Variants in HHAT observed in about 807,000 individuals in gnomAD.
HHAT encodes the protein hedgehog acyltransferase.
A neutral mutation model predicts 70.8 loss-of-function variants in HHAT; 47 were observed. The ratio of observed to expected loss-of-function variants is 0.66; its 90% CI spans 0.53 to 0.85. HHAT has a LOEUF of 0.85. Ranked by LOEUF, HHAT falls within the 40% of genes least tolerant of loss-of-function variation. The pLI, the probability that HHAT is intolerant of heterozygous loss-of-function variation, is 0.00. For missense variants in HHAT, 609 were observed against 604.8 expected (o/e 1.01, Z -0.07); for synonymous variants, 228 against 247.6 (o/e 0.92, Z 0.74).
At chr1:210,614,447 A>G (rs1477670871) in intron 10 of HHAT, among the ~76,000 whole-genome samples, 2 of 152,144 alleles carry the variant, frequency 1.3e-5, no homozygotes, top group African/African-American at 2.4e-5. Flanking sequence ...ATTCTAGGAT[A>G]CATGTGCACA....
intron 7 of HHAT, among the ~76,000 whole-genome samples, chr1:210,439,201 CT>C (rs1348961225): frequency 6.6e-6 from 1 of 151,842 alleles, no homozygotes; most frequent in Admixed American, 6.6e-5. Flanking sequence ...GCTCCCCTCA[CT>C]AATGTATTTA....
At chr1:210,483,597 T>C (rs762364225) in intron 8 of HHAT, among the ~76,000 whole-genome samples, 22 of 112,880 alleles carry the variant, frequency 1.9e-4, no homozygotes, top group Admixed American at 6.3e-4. Flanking sequence ...TTTCCATTTA[T>C]GTCTAATAGC....
intron 8 of HHAT, among the ~76,000 whole-genome samples, chr1:210,505,099 A>G (rs975760307): frequency 6.6e-6 from 1 of 152,012 alleles, no homozygotes; most frequent in African/African-American, 2.4e-5. Context: ...GGGTTTCACC[A>G]TGTTGGCCAG....
At chr1:210,673,685 G>A (rs565125877) in intron 11 of HHAT, among the ~76,000 whole-genome samples, 1 of 151,370 alleles carries the variant, frequency 6.6e-6, no homozygotes, top group Admixed American at 6.6e-5. Context: ...TCTAACTCCT[G>A]ATCTCAAGTG....
intron 9 of HHAT, among the ~76,000 whole-genome samples, chr1:210,514,887 G>C (rs1328540427): frequency 6.6e-6 from 1 of 152,254 alleles, no homozygotes; most frequent in East Asian, 1.9e-4. Context: ...AGAGAGAGCA[G>C]TGGTCTGCCT....
At chr1:210,525,003 G>T (rs889673733) in intron 9 of HHAT, among the ~76,000 whole-genome samples, 7 of 152,058 alleles carry the variant, frequency 4.6e-5, no homozygotes, top group African/African-American at 1.4e-4. Flanking sequence ...TGGAGTTGGG[G>T]TCAGGGCTAG....
intron 3 of HHAT, among the ~76,000 whole-genome samples, chr1:210,379,770 T>A (rs1033395951): frequency 1.3e-5 from 2 of 152,254 alleles, no homozygotes; most frequent in Non-Finnish European, 2.9e-5. Flanking sequence ...TAATACTTCA[T>A]ACATTCCTGG....
chr1:210,512,978 G>A (rs543620989), intron 8 of HHAT, among the ~76,000 whole-genome samples, 175 bp from the exon 9 acceptor site: 51 of 152,222 alleles, frequency 3.4e-4, no homozygotes, highest in African/African-American at 1.2e-3. Context: ...GAGAAGCTGC[G>A]ATTCCAACAA....
At chr1:210,353,444 T>G (rs892919986) in intron 2 of HHAT, among the ~76,000 whole-genome samples, 2 of 123,740 alleles carry the variant, frequency 1.6e-5, no homozygotes, top group Non-Finnish European at 3.7e-5. Flanking sequence ...GTTTTTTTTT[T>G]TTTTTTTTTT....
Position 210,623,580 on chromosome 1 carries a change from T to C in HHAT, c.1300T>C (p.Cys434Arg), listed in dbSNP as rs1669284510. The C allele has an allele frequency of 1.9e-6, 3 of 1,614,006 alleles. No homozygotes were observed. The highest frequency in any genetic ancestry group is 2.7e-5 in the African/African-American group (2 of 74,918). Residue 434 changes from cysteine to arginine, a missense_variant, in exon 11 of 12, where the codon TGT becomes CGT. Cys to Arg is a radical substitution (Grantham distance 180). Transcript: ENST00000261458. ...TCGATTCCACGCTGCCCTTGCTTCT[T>C]GTTCCACCTCGATGCTGATCCTGTC... is the stretch of plus-strand genomic sequence containing the variant. ...RRRFHAALAS[C>R]STSMLILSNL... is the part of the protein sequence containing the mutation.
intron 9 of HHAT, among the ~76,000 whole-genome samples, chr1:210,556,553 T>C (rs12040304): frequency 0.29 from 44,540 of 152,096 alleles, 6,704 homozygotes; most frequent in Middle Eastern, 0.36. Flanking sequence ...GCCTTTGGGC[T>C]TCCAAACATC....
chr1:210,403,348 A>C (rs1214588205), intron 5 of HHAT, among the ~76,000 whole-genome samples: 6 of 152,244 alleles, frequency 3.9e-5, no homozygotes, highest in Non-Finnish European at 4.4e-5. Flanking sequence ...CAAGTGTACA[A>C]ACAGAATCTA....
chr1:210,578,463 C>T (rs1405287025), intron 9 of HHAT, among the ~76,000 whole-genome samples: 2 of 152,118 alleles, frequency 1.3e-5, no homozygotes, highest in Non-Finnish European at 2.9e-5. Context: ...ATTCAGTGAT[C>T]ACACTTCTGA....
intron 2 of HHAT, among the ~76,000 whole-genome samples, chr1:210,352,743 C>T (rs984043670): frequency 2.0e-5 from 3 of 152,054 alleles, no homozygotes; most frequent in Non-Finnish European, 4.4e-5. Context: ...CAGAATACCC[C>T]TTCTTCCCCC....
At chr1:210,446,786 G>A (rs1056969536) in intron 7 of HHAT, among the ~76,000 whole-genome samples, 3 of 152,210 alleles carry the variant, frequency 2.0e-5, no homozygotes, top group Non-Finnish European at 2.9e-5. Context: ...CAAAGAAGCT[G>A]TCCTTGGTGA....
intron 11 of HHAT, among the ~76,000 whole-genome samples, chr1:210,630,010 T>C (rs1012381507): frequency 3.3e-5 from 5 of 152,056 alleles, no homozygotes; most frequent in African/African-American, 1.2e-4. Flanking sequence ...ACCCGGCTAA[T>C]TTTTGTATAT....
At chr1:210,637,496 G>T (rs1672095951) in intron 11 of HHAT, among the ~76,000 whole-genome samples, 1 of 152,082 alleles carries the variant, frequency 6.6e-6, no homozygotes, top group Non-Finnish European at 1.5e-5. Flanking sequence ...AGAAATTTTT[G>T]CAAATCATAT....
chr1:210,404,400 C>T, intron 5 of HHAT, 64 bp from the exon 6 acceptor site: 2 of 1,289,282 alleles, frequency 1.6e-6, no homozygotes, highest in Non-Finnish European at 2.2e-6. Context: ...CCAGCACCTG[C>T]AGTGGGACTG....
intron 5 of HHAT, among the ~76,000 whole-genome samples, chr1:210,402,314 A>C (rs1156290459): frequency 6.6e-6 from 1 of 152,154 alleles, no homozygotes; most frequent in Admixed American, 6.5e-5. Flanking sequence ...AGGACCATTG[A>C]TGTTTCCCAC....
Sources: allele counts gnomAD v4.1 joint callset (sites outside exome capture counted in the v4.1 genomes callset), GRCh38; gene constraint gnomAD v4.1.1; transcripts MANE v1.5; gene names NCBI Gene and HGNC (gene_info 2026-07-23, HGNC 2026-07-21).